KATNAL1: variants seen among roughly 807,000 people sequenced by gnomAD.
KATNAL1 encodes katanin catalytic subunit A1 like 1, also known as katanin p60 ATPase-containing subunit A-like 1.
In KATNAL1, 32 loss-of-function variants were observed where a neutral mutation model predicts 55.2. That is an observed-to-expected ratio of 0.58 (90% CI 0.44 to 0.78). The LOEUF (loss-of-function observed/expected upper bound fraction) is 0.78, where lower values mean the gene tolerates loss of function less well. Ranked by LOEUF, KATNAL1 falls within the 30% of genes least tolerant of loss-of-function variation. KATNAL1 has a pLI of 0.00. For synonymous variants in KATNAL1, 193 were observed against 193.6 expected, an observed-to-expected ratio of 1.00 and a Z score of 0.02; for missense variants, 466 against 600.9, an observed-to-expected ratio of 0.78 and a Z score of 2.35.
At chr13:30,294,879 C>T (rs1399660320) in intron 1 of KATNAL1, among the ~76,000 whole-genome samples, 1 of 152,216 alleles carries the variant, frequency 6.6e-6, no homozygotes, top group Non-Finnish European at 1.5e-5. Flanking sequence ...GCTGAAGCTA[C>T]TCTGCCTGTG....
chr13:30,227,602 CATTCAATTAACATTTCTTTT>C (rs1341977863), intron 8 of KATNAL1, 56 bp from the exon 9 acceptor site: 1 of 1,561,534 alleles, frequency 6.4e-7, no homozygotes, highest in Non-Finnish European at 8.7e-7. Flanking sequence ...TTTATTCTTT[CATTCAATTAACATTTCTTTT>C]AGCCAAAGTG....
intron 3 of KATNAL1, among the ~76,000 whole-genome samples, chr13:30,269,173 A>G (rs1880028061): frequency 6.6e-6 from 1 of 151,590 alleles, no homozygotes; most frequent in Non-Finnish European, 1.5e-5. Context: ...GCCCACTGCA[A>G]CCTCCCTGCC....
chr13:30,290,544 C>CA (rs1018164610), intron 1 of KATNAL1, among the ~76,000 whole-genome samples: 2 of 151,232 alleles, frequency 1.3e-5, no homozygotes, highest in Non-Finnish European at 3.0e-5. Flanking sequence ...ATTTCCAACT[C>CA]TTTTTTTTTC....
At chr13:30,210,650 G>GAAAAAAAAAAAAA (rs33951005) in intron 9 of KATNAL1, 3 of 120,268 alleles carry the variant, frequency 2.5e-5, no homozygotes, top group African/African-American at 6.1e-5. Context: ...ACTAAAAATT[G>GAAAAAAAAAAAAA]AAAAAAAAAA....
intron 3 of KATNAL1, among the ~76,000 whole-genome samples, chr13:30,279,442 T>C (rs541862117): frequency 5.9e-5 from 9 of 152,060 alleles, no homozygotes; most frequent in Non-Finnish European, 1.2e-4. Flanking sequence ...CTTGAATGAA[T>C]ATGAGTTGTT....
chr13:30,211,544 T>A (rs1278682685), intron 9 of KATNAL1, among the ~76,000 whole-genome samples: 1 of 152,254 alleles, frequency 6.6e-6, no homozygotes, highest in African/African-American at 2.4e-5. Context: ...TGCAGTCAGT[T>A]ACTATGTCTC....
chr13:30,269,895 A>G lies in KATNAL1; in HGVS notation c.323+10168T>C, dbSNP rs1212296826. Among the ~76,000 whole-genome samples the G allele has an allele frequency of 7.7e-5, 11 of 142,980 alleles. No homozygotes were observed. The East Asian group carries it at 2.1e-3, about 28-fold the overall frequency. The allele number at this position is 142,980 out of a possible 152,430, so 93.8% of individuals were successfully genotyped here. A position where few individuals can be genotyped will look rare whatever the true frequency, so the allele number is the denominator to read the frequency against. ...CCGCCCGGCAGCCACCCCGTCCAGG[A>G]GGGGGGGGTCAGCCCCCTGCCCGGC... On this transcript the variant is annotated intron_variant, in intron 3 of 10. Transcript: ENST00000380615.
intron 3 of KATNAL1, among the ~76,000 whole-genome samples, chr13:30,261,013 C>T (rs1241596474): frequency 4.6e-5 from 7 of 151,796 alleles, no homozygotes; most frequent in South Asian, 2.1e-4. Context: ...AGACTAACAG[C>T]GGATCTCTCG....
chr13:30,213,255 A>G (rs866682538), intron 9 of KATNAL1, among the ~76,000 whole-genome samples: 7 of 152,222 alleles, frequency 4.6e-5, no homozygotes, highest in Admixed American at 2.6e-4. Context: ...GACCAATAAC[A>G]GGAGCTGAAA....
rs1873228970 is a variant in KATNAL1 at position 30,207,168 on chromosome 13, A to T, written c.*1372T>A. ...AGGATGTTATCAAATACAAATTTTT[A>T]AAAGCTTGACCATTAAAGCATAAAT... is the stretch of plus-strand genomic sequence containing the variant. On this transcript the variant is annotated 3_prime_UTR_variant, in exon 11 of 11. Coordinates refer to ENST00000380615, the MANE Select transcript of KATNAL1 (RefSeq NM_032116.5). 2 of 152,240 alleles carry T rather than the reference A, an allele frequency of 1.3e-5. No individual in the cohort carries two copies. The highest frequency in any genetic ancestry group is 2.1e-4 in the South Asian group (1 of 4,836). 9.4% of individuals were successfully genotyped at this position (152,240 alleles called of 1,614,324 possible). A position where few individuals can be genotyped will look rare whatever the true frequency, so the allele number is the denominator to read the frequency against.
At chr13:30,296,275 C>G in intron 1 of KATNAL1, 1 of 1,200,736 alleles carries the variant, frequency 8.3e-7, no homozygotes, top group East Asian at 2.5e-5. Context: ...TCTTTTTCTA[C>G]CCTCTGGACT....
intron 1 of KATNAL1, among the ~76,000 whole-genome samples, chr13:30,302,512 G>C (rs941846034): frequency 7.3e-5 from 11 of 151,436 alleles, no homozygotes; most frequent in African/African-American, 2.7e-4. Flanking sequence ...AGGAAAAATG[G>C]AAAGAGTAAA....
At chr13:30,280,011 G>A in intron 3 of KATNAL1, 52 bp downstream of exon 3, 1 of 1,482,430 alleles carries the variant, frequency 6.7e-7, no homozygotes, top group Non-Finnish European at 9.1e-7. Context: ...ATGCTTCACT[G>A]TGAACATCAA....
At position 30,270,222 on chromosome 13, in the gene KATNAL1, G is replaced by C. The variant is rs1247393969; in HGVS notation, c.323+9841C>G. On this transcript the variant is annotated intron_variant, in intron 3 of 10. Transcript: ENST00000380615. The stretch of plus-strand genomic sequence containing the variant: ...AGGTGGGGGGTCAGCCCCCCGCCCG[G>C]CCAGCCGCCCCGTCCGGGAGGGAGG... Among the ~76,000 whole-genome samples, 2 of 138,168 alleles carry C rather than the reference G, an allele frequency of 1.4e-5. 1 individual carries two copies. Among genetic ancestry groups the C allele is most frequent in the Non-Finnish European group, 3.3e-5 (2 of 61,302 alleles). 90.6% of individuals were successfully genotyped at this position (138,168 alleles called of 152,430 possible). A position where few individuals can be genotyped will look rare whatever the true frequency, so the allele number is the denominator to read the frequency against.
At chr13:30,218,956 A>C (rs544199592) in intron 9 of KATNAL1, among the ~76,000 whole-genome samples, 15 of 152,226 alleles carry the variant, frequency 9.9e-5, no homozygotes, top group Non-Finnish European at 2.1e-4. Flanking sequence ...CTGCAAGAGT[A>C]AGTGATATAT....
chr13:30,207,494 T>G lies in KATNAL1; in HGVS notation c.*1046A>C, dbSNP rs866120580. 9.2e-5 allele frequency: 14 copies of G among 152,338 alleles called. No individual in the cohort carries two copies. The highest frequency in any genetic ancestry group is 3.4e-3 in the Middle Eastern group (1 of 294). 9.4% of individuals were successfully genotyped at this position (152,338 alleles called of 1,614,324 possible). A position where few individuals can be genotyped will look rare whatever the true frequency, so the allele number is the denominator to read the frequency against. ...GCGTTAGCCACAGAGAGTGGACTTG[T>G]TTAGAATGTAAAAGTATTTATCTCA... On this transcript the variant is annotated 3_prime_UTR_variant, in exon 11 of 11. Coordinates refer to ENST00000380615, the MANE Select transcript of KATNAL1 (RefSeq NM_032116.5).
At chr13:30,210,114 C>T (rs553746539) in intron 10 of KATNAL1, among the ~76,000 whole-genome samples, 1 of 151,004 alleles carries the variant, frequency 6.6e-6, no homozygotes, top group South Asian at 2.1e-4. Flanking sequence ...AAAACATCAA[C>T]GACCACTGCT....
At chr13:30,229,347 C>T (rs534862806) in intron 8 of KATNAL1, among the ~76,000 whole-genome samples, 1 of 152,122 alleles carries the variant, frequency 6.6e-6, no homozygotes, top group Non-Finnish European at 1.5e-5. Context: ...ATGTATTATA[C>T]TCATCTGATC....
At chr13:30,293,154 A>T (rs1882250312) in intron 1 of KATNAL1, among the ~76,000 whole-genome samples, 1 of 151,886 alleles carries the variant, frequency 6.6e-6, no homozygotes, top group South Asian at 2.1e-4. Flanking sequence ...TTCTGCTGTG[A>T]AATGCCTTTT....
Sources: allele counts gnomAD v4.1 joint callset (sites outside exome capture counted in the v4.1 genomes callset), GRCh38; gene constraint gnomAD v4.1.1; transcripts MANE v1.5; gene names NCBI Gene and HGNC (gene_info 2026-07-23, HGNC 2026-07-21).